The following NBAS variants were observed in gnomAD, a reference collection of about 807,000 sequenced individuals.
NBAS encodes the protein NAG/BC035112 fusion.
NBAS carries 219 observed loss-of-function variants against 302.5 expected under a neutral mutation model. The ratio of observed to expected loss-of-function variants is 0.72; its 90% CI spans 0.65 to 0.81. The LOEUF is 0.81. Among genes scored for constraint, NBAS ranks in the 30% least tolerant of loss-of-function variants. The pLI is 0.00. For synonymous variants in NBAS, 1,118 were observed against 1,021.6 expected, an observed-to-expected ratio of 1.09 and a Z score of -1.80; for missense variants, 2,932 against 2,841.6, an observed-to-expected ratio of 1.03 and a Z score of -0.72.
At chr2:15,338,690 C>T (rs936894009) in intron 35 of NBAS, among the ~76,000 whole-genome samples, 2 of 151,298 alleles carry the variant, frequency 1.3e-5, no homozygotes, top group African/African-American at 4.9e-5. Flanking sequence ...CACACACACA[C>T]ACACACACAC....
At chr2:15,468,283 A>T in intron 17 of NBAS, 99 bp downstream of exon 17, 1 of 1,414,302 alleles carries the variant, frequency 7.1e-7, no homozygotes, top group Non-Finnish European at 1.0e-6. Flanking sequence ...TCAGTACAGA[A>T]TAACTTAAAT....
Position 15,352,014 on chromosome 2 carries a change from A to G in NBAS, c.4157T>C (p.Leu1386Ser). The change falls in exon 35 of 52, where the codon TTA becomes TCA. Residue 1386 changes from leucine to serine, a missense_variant. By Grantham distance (145) the Leu-to-Ser change is moderately radical. Transcript: ENST00000281513. ...TACCTCTTGTACTGCTTTACTAGTT[A>G]ATGGTGAAGCACTGATATTTTCCCC... is the stretch of plus-strand genomic sequence containing the variant. ...EGGENISASPLTSKAVQEDEV... is the reference protein window; with the variant it reads ...EGGENISASPSTSKAVQEDEV... 1 of 1,611,528 alleles carries G rather than the reference A, an allele frequency of 6.2e-7. No individual in the cohort carries two copies. Among genetic ancestry groups the G allele is most frequent in the Non-Finnish European group, 8.5e-7 (1 of 1,177,776 alleles).
chr2:14,797,092 C>T, the NBAS span, among the ~76,000 whole-genome samples: 6 of 73,562 alleles, frequency 8.2e-5, no homozygotes, highest in South Asian at 1.9e-3. Context: ...GAGACTCCGT[C>T]TCAAAAAAAA....
chr2:15,436,268 T>G (rs1006480004), intron 21 of NBAS, among the ~76,000 whole-genome samples: 1 of 152,240 alleles, frequency 6.6e-6, no homozygotes, highest in African/African-American at 2.4e-5. Context: ...TATTTGCCTG[T>G]AGATAACCCT....
chr2:14,822,834 A>T, the NBAS span, among the ~76,000 whole-genome samples: 3 of 152,244 alleles, frequency 2.0e-5, no homozygotes, highest in South Asian at 6.2e-4. Context: ...AGGCTATCAC[A>T]ATAACATAAC....
intron 31 of NBAS, among the ~76,000 whole-genome samples, chr2:15,368,038 T>C (rs938826722): frequency 1.2e-4 from 19 of 152,096 alleles, no homozygotes; most frequent in African/African-American, 4.3e-4. Context: ...ATAATACACA[T>C]ATATACAAGT....
the NBAS span, among the ~76,000 whole-genome samples, chr2:15,144,768 C>A: frequency 7.2e-5 from 11 of 152,176 alleles, no homozygotes; most frequent in Non-Finnish European, 1.6e-4. Context: ...CAGAAACAGT[C>A]CCATATGTTA....
At chr2:15,140,134 G>C in the NBAS span, among the ~76,000 whole-genome samples, 1 of 152,218 alleles carries the variant, frequency 6.6e-6, no homozygotes, top group Non-Finnish European at 1.5e-5. Context: ...GCCACATAGA[G>C]AGGCCACGTG....
At chr2:15,120,394 C>A in the NBAS span, among the ~76,000 whole-genome samples, 1 of 152,260 alleles carries the variant, frequency 6.6e-6, no homozygotes, top group Non-Finnish European at 1.5e-5. Flanking sequence ...AAGCCCACAC[C>A]TGCCACACTT....
chr2:15,168,964 G>A (rs114087204), intron 51 of NBAS, among the ~76,000 whole-genome samples: 6 of 152,174 alleles, frequency 3.9e-5, no homozygotes, highest in Non-Finnish European at 7.3e-5. Context: ...CTCCCTTACC[G>A]ACTGGGAAAT....
chr2:15,290,089 GGGAGAGGGGAGAGA>G (rs1313565827), intron 41 of NBAS, among the ~76,000 whole-genome samples: 3 of 149,490 alleles, frequency 2.0e-5, no homozygotes, highest in Non-Finnish European at 4.5e-5. Context: ...GAGAGTAGAG[GGGAGAGGGGAGAGA>G]GGAGAGGGGA....
At chr2:15,129,569 C>A in the NBAS span, among the ~76,000 whole-genome samples, 1 of 152,204 alleles carries the variant, frequency 6.6e-6, no homozygotes, top group Non-Finnish European at 1.5e-5. Flanking sequence ...CCTGCATGCA[C>A]GCAGTTTGAC....
the NBAS span, among the ~76,000 whole-genome samples, chr2:14,996,106 G>T: frequency 2.6e-5 from 4 of 152,136 alleles, no homozygotes; most frequent in Admixed American, 6.5e-5. Flanking sequence ...CTCTGTCACA[G>T]TGCTTGGCAC....
chr2:14,932,996 G>C, the NBAS span, among the ~76,000 whole-genome samples: 18 of 152,316 alleles, frequency 1.2e-4, no homozygotes, highest in East Asian at 3.5e-3. Context: ...TTTGACGAAA[G>C]AAGGACGTTT....
chr2:14,969,228 T>C, the NBAS span, among the ~76,000 whole-genome samples: 1 of 152,068 alleles, frequency 6.6e-6, no homozygotes, highest in African/African-American at 2.4e-5. Context: ...GCTTGTTAGG[T>C]ATGGGGTTCC....
the NBAS span, among the ~76,000 whole-genome samples, chr2:14,838,267 C>A: frequency 6.6e-6 from 1 of 151,956 alleles, no homozygotes; most frequent in African/African-American, 2.4e-5. Flanking sequence ...TTCATTATTT[C>A]CATTATGCTC....
chr2:15,199,241 A>G (rs924651196), intron 48 of NBAS, among the ~76,000 whole-genome samples: 1 of 152,178 alleles, frequency 6.6e-6, no homozygotes, highest in Non-Finnish European at 1.5e-5. Context: ...TTGCCCTAAG[A>G]TCACAAATCA....
the NBAS span, among the ~76,000 whole-genome samples, chr2:14,825,459 A>T: frequency 6.6e-6 from 1 of 152,060 alleles, no homozygotes; most frequent in Non-Finnish European, 1.5e-5. Flanking sequence ...AAGGGAGCTG[A>T]CTCCCTGTAG....
At chr2:14,996,983 A>T in the NBAS span, among the ~76,000 whole-genome samples, 69 of 152,312 alleles carry the variant, frequency 4.5e-4, 1 homozygote, top group Middle Eastern at 0.014. Context: ...AAAGAAAACA[A>T]GACTGTGCTT....
Sources: allele counts gnomAD v4.1 joint callset (sites outside exome capture counted in the v4.1 genomes callset), GRCh38; gene constraint gnomAD v4.1.1; transcripts MANE v1.5; gene names NCBI Gene and HGNC (gene_info 2026-07-23, HGNC 2026-07-21).